Variants in TAB2 observed in about 807,000 individuals in gnomAD.
TAB2 encodes TGF-beta activated kinase 1 (MAP3K7) binding protein 2, also known as TGF-beta-activated kinase 1 and MAP3K7-binding protein 2.
TAB2 carries 3 observed loss-of-function variants against 65.0 expected under a neutral mutation model. That is an observed-to-expected ratio of 0.05 (90% CI 0.02 to 0.12). The LOEUF (loss-of-function observed/expected upper bound fraction) is 0.12. TAB2 is among the 10% of genes least tolerant of loss of function. TAB2 has a pLI of 1.00. For missense variants in TAB2, 623 were observed against 840.3 expected (o/e 0.74, Z 3.20); for synonymous variants, 298 against 285.1 (o/e 1.05, Z -0.46).
At chr6:149,252,435 T>G (rs1317671037) in intron 1 of TAB2, among the ~76,000 whole-genome samples, 1 of 149,534 alleles carries the variant, frequency 6.7e-6, no homozygotes, top group Non-Finnish European at 1.5e-5. Flanking sequence ...CAGAGTTCTG[T>G]GTGCATCTTC....
chr6:149,327,178 A>G (rs1779645206), intron 1 of TAB2, among the ~76,000 whole-genome samples: 1 of 152,180 alleles, frequency 6.6e-6, no homozygotes, highest in Admixed American at 6.5e-5. Context: ...TTTCTTTTAT[A>G]CTAGCATTTC....
rs1777221428 is a variant in TAB2 at position 149,224,351 on chromosome 6, A to C, written c.-121+5575A>C. ...CTTTTTAGAAGAGGAGGAACTTTTT[A>C]GCAAAAATTCATTAATTTTAACCTC... On this transcript the variant is annotated intron_variant, in intron 1 of 1. Coordinates refer to the TAB2 transcript ENST00000606202. Among the ~76,000 whole-genome samples the C allele has an allele frequency of 5.3e-5, 8 of 152,264 alleles. 1 individual carries two copies. Among genetic ancestry groups the C allele is most frequent in the Admixed American group, 5.2e-4 (8 of 15,280 alleles).
intron 6 of TAB2, among the ~76,000 whole-genome samples, chr6:149,405,849 T>C (rs1454383620): frequency 6.6e-6 from 1 of 152,142 alleles, no homozygotes; most frequent in Non-Finnish European, 1.5e-5. Flanking sequence ...TAGTTAACAG[T>C]AGTTTATTAT....
intron 6 of TAB2, chr6:149,400,937 G>A: frequency 2.3e-6 from 1 of 441,438 alleles, no homozygotes; most frequent in Non-Finnish European, 4.1e-6. Context: ...AGACAGGATG[G>A]GAAAAAATAC....
chr6:149,365,801 C>T (rs959371825), intron 1 of TAB2, among the ~76,000 whole-genome samples: 1 of 151,974 alleles, frequency 6.6e-6, no homozygotes, highest in African/African-American at 2.4e-5. Context: ...TCCTCCCCCT[C>T]GCCCACAGTC....
At chr6:149,328,218 G>A (rs1779675657) in intron 1 of TAB2, among the ~76,000 whole-genome samples, 1 of 152,198 alleles carries the variant, frequency 6.6e-6, no homozygotes, top group East Asian at 1.9e-4. Flanking sequence ...TGTCTTCTAT[G>A]ACATGCTTGT....
intron 1 of TAB2, among the ~76,000 whole-genome samples, chr6:149,284,997 T>G (rs568886970): frequency 9.9e-5 from 15 of 152,242 alleles, no homozygotes; most frequent in African/African-American, 3.6e-4. Context: ...GAGCGCTGTT[T>G]TGGAATCTGG....
In TAB2 at chr6:149,378,880, G is replaced by A. The variant is rs1385042969; in HGVS notation, c.965G>A (p.Arg322Gln). ...ATTCAGAATATTTCAACAGGACCTC[G>A]AAAAAACCAGATTGAAATCAAACTT... ...YNIQNISTGP[R>Q]KNQIEIKLEP... Residue 322 changes from arginine (R) to glutamine (Q), a missense_variant, in exon 3 of 7, where the codon CGA (arginine) becomes CAA (glutamine). Physicochemically the swap from Arg to Gln is conservative, Grantham distance 43. This residue lies in a region of TAB2 where 550 missense variants were observed against 665.7 expected (regional missense o/e 0.83). Transcript: ENST00000637181. 5 of 1,613,960 alleles carry A rather than the reference G, an allele frequency of 3.1e-6. No individual in the cohort carries two copies. The highest frequency in any genetic ancestry group is 2.2e-5 in the East Asian group (1 of 44,884).
chr6:149,223,177 A>C (rs1478325085), intron 1 of TAB2, among the ~76,000 whole-genome samples: 1 of 152,252 alleles, frequency 6.6e-6, no homozygotes, highest in East Asian at 1.9e-4. Flanking sequence ...GTTTCTTCAC[A>C]AAAAGCTTTT....
chr6:149,323,561 C>T (rs1033371610), intron 1 of TAB2, among the ~76,000 whole-genome samples: 1 of 151,862 alleles, frequency 6.6e-6, no homozygotes, highest in African/African-American at 2.4e-5. Context: ...AAAGTGAAAA[C>T]GTCCCACCAG....
intron 6 of TAB2, among the ~76,000 whole-genome samples, chr6:149,405,222 T>C (rs78622598): frequency 0.024 from 3,618 of 152,288 alleles, 133 homozygotes; most frequent in African/African-American, 0.084. Flanking sequence ...GATACCACCT[T>C]ACAAACTTAT....
intron 1 of TAB2, among the ~76,000 whole-genome samples, chr6:149,350,854 G>A (rs1201932882): frequency 1.3e-5 from 2 of 151,956 alleles, no homozygotes; most frequent in African/African-American, 2.4e-5. Context: ...ATAAAATGAT[G>A]TATATATATA....
chr6:149,235,011 C>T (rs138867329), intron 1 of TAB2, among the ~76,000 whole-genome samples: 11 of 152,292 alleles, frequency 7.2e-5, no homozygotes, highest in Admixed American at 7.2e-4. Flanking sequence ...AAGATGAGGA[C>T]ATCTGACTTC....
chr6:149,279,383 T>G (rs1778531725), intron 1 of TAB2, among the ~76,000 whole-genome samples: 1 of 152,166 alleles, frequency 6.6e-6, no homozygotes, highest in African/African-American at 2.4e-5. Flanking sequence ...TCTTGCTCTC[T>G]CTTCTTCCTC....
chr6:149,252,005 T>C (rs144693052), intron 1 of TAB2, among the ~76,000 whole-genome samples: 42 of 152,334 alleles, frequency 2.8e-4, no homozygotes, highest in African/African-American at 9.6e-4. Context: ...TAAGGAATAA[T>C]TTATCCTTAA....
chr6:149,301,589 A>G (rs561718471), intron 1 of TAB2, among the ~76,000 whole-genome samples: 5 of 152,328 alleles, frequency 3.3e-5, no homozygotes, highest in East Asian at 3.9e-4. Context: ...TGCTAACTCA[A>G]TGAATACCAG....
At chr6:149,273,095 G>T (rs1447526647) in intron 1 of TAB2, among the ~76,000 whole-genome samples, 1 of 151,898 alleles carries the variant, frequency 6.6e-6, no homozygotes, top group Non-Finnish European at 1.5e-5. Context: ...GGCGACAAAA[G>T]CATCGAGGAC....
At chr6:149,300,056 T>C (rs1361037784) in intron 1 of TAB2, among the ~76,000 whole-genome samples, 1 of 152,138 alleles carries the variant, frequency 6.6e-6, no homozygotes, top group Non-Finnish European at 1.5e-5. Flanking sequence ...TGGCTAAAGG[T>C]AGAAATATAC....
chr6:149,338,413 A>G (rs1008347524), intron 1 of TAB2, among the ~76,000 whole-genome samples: 1 of 152,232 alleles, frequency 6.6e-6, no homozygotes, highest in Admixed American at 6.5e-5. Context: ...TGTTAATTAC[A>G]AAATGGATGC....
Sources: allele counts gnomAD v4.1 joint callset (sites outside exome capture counted in the v4.1 genomes callset), GRCh38; gene constraint gnomAD v4.1.1; regional missense constraint gnomAD v4.1.1; transcripts MANE v1.5; gene names NCBI Gene and HGNC (gene_info 2026-07-23, HGNC 2026-07-21).